EFCAB5: variants seen among roughly 807,000 people sequenced by gnomAD.
EFCAB5 encodes the protein EF-hand calcium-binding domain-containing protein 5.
EFCAB5 carries 131 observed loss-of-function variants against 167.9 expected under a neutral mutation model. The observed-to-expected ratio is 0.78, with a 90% CI of 0.68 to 0.90. The LOEUF (loss-of-function observed/expected upper bound fraction) is 0.90. EFCAB5 is among the 40% of genes least tolerant of loss of function. The probability of loss-of-function intolerance (pLI) is 0.00; values close to 1 mark genes in which losing one functional copy is unlikely to be tolerated. For missense variants in EFCAB5, 1,663 were observed against 1,745.2 expected (o/e 0.95, Z 0.84); for synonymous variants, 574 against 602.8 (o/e 0.95, Z 0.70).
intron 8 of EFCAB5, among the ~76,000 whole-genome samples, chr17:30,044,439 G>A (rs1027996773): frequency 1.3e-5 from 2 of 152,044 alleles, no homozygotes; most frequent in African/African-American, 2.4e-5. Context: ...TTAGCTGGGC[G>A]TTGTGGCCAT....
intron 22 of EFCAB5, 28 bp from the exon 23 acceptor site, chr17:30,107,806 T>C: frequency 7.4e-7 from 1 of 1,343,326 alleles, no homozygotes; most frequent in East Asian, 3.0e-5. Flanking sequence ...CTCTCCACTC[T>C]TACTTTTCTT....
chr17:29,959,611 G>A (rs895072092), intron 3 of EFCAB5, among the ~76,000 whole-genome samples: 28 of 152,108 alleles, frequency 1.8e-4, no homozygotes, highest in African/African-American at 6.3e-4. Context: ...CCCAGGATGT[G>A]TCTAAAATTG....
At chr17:30,015,759 C>CTTTTTTTTTTTTTT (rs71138866) in intron 7 of EFCAB5, among the ~76,000 whole-genome samples, 6 of 130,566 alleles carry the variant, frequency 4.6e-5, no homozygotes, top group Non-Finnish European at 4.9e-5. Flanking sequence ...TTGGTTATTT[C>CTTTTTTTTTTTTTT]TTTTTTTTTT....
At chr17:29,985,524 C>T (rs1374838768) in intron 4 of EFCAB5, among the ~76,000 whole-genome samples, 1 of 152,176 alleles carries the variant, frequency 6.6e-6, no homozygotes, top group African/African-American at 2.4e-5. Flanking sequence ...GAGCCTGGAA[C>T]AGAGTTTTAC....
chr17:30,023,314 A>G (rs1164755633), intron 7 of EFCAB5, among the ~76,000 whole-genome samples: 3 of 152,142 alleles, frequency 2.0e-5, no homozygotes, highest in Admixed American at 6.6e-5. Flanking sequence ...CGAGAGAAGA[A>G]TCAAATAGAC....
chr17:30,016,169 G>GT (rs2069037259), intron 7 of EFCAB5, among the ~76,000 whole-genome samples: 1 of 152,014 alleles, frequency 6.6e-6, no homozygotes, highest in Non-Finnish European at 1.5e-5. Context: ...TCTGTGGGTT[G>GT]TTTTTTAACT....
intron 15 of EFCAB5, among the ~76,000 whole-genome samples, chr17:30,079,857 T>C (rs2070947174): frequency 6.6e-6 from 1 of 152,164 alleles, no homozygotes; most frequent in Non-Finnish European, 1.5e-5. Flanking sequence ...CCAGTTGGCA[T>C]AGAAGAAACC....
intron 14 of EFCAB5, among the ~76,000 whole-genome samples, chr17:30,067,071 T>C (rs1171018267): frequency 1.3e-5 from 2 of 152,212 alleles, no homozygotes; most frequent in Non-Finnish European, 2.9e-5. Flanking sequence ...TGTGGCTTTC[T>C]ACCAAATATT....
At position 30,056,114 on chromosome 17, in the gene EFCAB5, G is replaced by A; in HGVS notation, c.2323G>A (p.Glu775Lys). 1 of 1,612,174 alleles carries A rather than the reference G, an allele frequency of 6.2e-7. No individual in the cohort carries two copies. The highest frequency in any genetic ancestry group is 2.2e-5 in the East Asian group (1 of 44,818). ...AATGAAGTATGTCACATTTGAAGAT[G>A]AGGAACAGGCAAACTTAATCTATGG... The part of the protein sequence containing the change: ...WKMKYVTFED[E>K]EQANLIYGNS... The change falls in exon 12 of 23, where the codon GAG becomes AAG. Residue 775 changes from glutamate to lysine, a missense_variant. Coordinates refer to ENST00000394835, the MANE Select transcript of EFCAB5 (RefSeq NM_198529.4).
chr17:29,955,237 G>A (rs1481691242), intron 3 of EFCAB5, among the ~76,000 whole-genome samples: 2 of 152,152 alleles, frequency 1.3e-5, no homozygotes, highest in Non-Finnish European at 2.9e-5. Context: ...AGGGGCCGGG[G>A]CAGAATGATA....
Position 29,945,119 on chromosome 17 carries a change from T to C in EFCAB5, c.190+1470T>C, listed in dbSNP as rs142167285. On this transcript the variant is annotated intron_variant, in intron 3 of 22. Transcript: ENST00000394835. ...TACAGCTCTTTTAACTCCAAATACT[T>C]AGTGAAATCCATACCACCAGAAATT... 8.0e-3 allele frequency among the ~76,000 whole-genome samples: 1,214 copies of C among 152,282 alleles called. 11 individuals carry two copies. Among genetic ancestry groups the C allele is most frequent in the African/African-American group, 0.024 (1,008 of 41,562 alleles).
At chr17:29,948,480 ATTAT>A (rs1394713623) in intron 3 of EFCAB5, among the ~76,000 whole-genome samples, 1 of 152,148 alleles carries the variant, frequency 6.6e-6, no homozygotes, top group African/African-American at 2.4e-5. Flanking sequence ...TTAAATAATC[ATTAT>A]TTATGATTAT....
intron 2 of EFCAB5, among the ~76,000 whole-genome samples, chr17:29,943,348 C>T (rs2067330616): frequency 6.6e-6 from 1 of 152,096 alleles, no homozygotes; most frequent in Admixed American, 6.5e-5. Context: ...GATGTGATGA[C>T]ATTTTGAACC....
chr17:30,069,642 C>T (rs2070677167), intron 14 of EFCAB5: 13 of 1,599,158 alleles, frequency 8.1e-6, no homozygotes, highest in Non-Finnish European at 1.1e-5. Flanking sequence ...TAGCCTGGGC[C>T]ACGGGGGCCC....
chr17:29,956,998 T>C (rs1202407651), intron 3 of EFCAB5, among the ~76,000 whole-genome samples: 1 of 152,210 alleles, frequency 6.6e-6, no homozygotes, highest in Non-Finnish European at 1.5e-5. Context: ...TGAATAACAA[T>C]GGTAAAAATG....
rs1008129695 is a variant in EFCAB5 at position 29,944,804 on chromosome 17, A to G, written c.190+1155A>G. On this transcript the variant is annotated intron_variant, in intron 3 of 22. Transcript: ENST00000394835. Reference sequence around the variant, plus strand: ...ACACCCGGCTAAGTTTGTATTTTTAATAGAGATGGGGTTTCCCAATGTTGG... The same window carrying G: ...ACACCCGGCTAAGTTTGTATTTTTAGTAGAGATGGGGTTTCCCAATGTTGG... Among the ~76,000 whole-genome samples, 3 of 151,484 alleles carry G rather than the reference A, an allele frequency of 2.0e-5. No individual in the cohort carries two copies. In the East Asian group the frequency reaches 5.8e-4, roughly 29 times the overall value.
chr17:29,999,317 T>C (rs1372828356), intron 6 of EFCAB5, among the ~76,000 whole-genome samples: 2 of 152,136 alleles, frequency 1.3e-5, no homozygotes, highest in African/African-American at 4.8e-5. Flanking sequence ...TGTATATATA[T>C]ATACATTTGT....
chr17:30,075,535 A>G (rs1319118623), intron 14 of EFCAB5, among the ~76,000 whole-genome samples: 1 of 152,062 alleles, frequency 6.6e-6, no homozygotes, highest in East Asian at 1.9e-4. Flanking sequence ...AGGCCAGGCC[A>G]TCCCTCGATT....
At chr17:30,031,024 T>C (rs1460456378) in intron 7 of EFCAB5, among the ~76,000 whole-genome samples, 2 of 152,220 alleles carry the variant, frequency 1.3e-5, no homozygotes, top group Non-Finnish European at 2.9e-5. Context: ...AATACCAATT[T>C]TTTTTTCAGC....
Sources: gnomAD v4.1 joint callset for allele counts (sites outside exome capture counted in the v4.1 genomes callset) on GRCh38, gnomAD v4.1.1 for gene constraint, MANE v1.5 for transcripts, NCBI Gene and HGNC (gene_info 2026-07-23, HGNC 2026-07-21) for gene names.